The following PDE4D variants were observed in gnomAD, a reference collection of about 807,000 sequenced individuals.
PDE4D encodes the protein 3',5'-cyclic-AMP phosphodiesterase 4D.
Under a neutral mutation model 87.4 loss-of-function variants are expected in PDE4D, and 24 were observed. That is an observed-to-expected ratio of 0.27 (90% CI 0.20 to 0.39). The LOEUF (loss-of-function observed/expected upper bound fraction) is 0.39, where lower values mean the gene tolerates loss of function less well. PDE4D is among the 10% of genes least tolerant of loss of function. The pLI is 1.00. For synonymous variants in PDE4D, 384 were observed against 383.2 expected (o/e 1.00, Z -0.02); for missense variants, 714 against 1,041.0 (o/e 0.69, Z 4.32).
At chr5:59,478,706 C>A (rs1562258583) in intron 1 of PDE4D, among the ~76,000 whole-genome samples, 1 of 151,908 alleles carries the variant, frequency 6.6e-6, no homozygotes, top group African/African-American at 2.4e-5. Flanking sequence ...AAATCTATGA[C>A]AAAATTAAAG....
chr5:59,042,321 T>C (rs1759819189), intron 5 of PDE4D, among the ~76,000 whole-genome samples: 1 of 152,136 alleles, frequency 6.6e-6, no homozygotes, highest in Non-Finnish European at 1.5e-5. Context: ...GTAACTGACC[T>C]TTTCATCCCG....
intron 1 of PDE4D, among the ~76,000 whole-genome samples, chr5:59,569,964 A>G (rs1821551326): frequency 6.6e-6 from 1 of 152,214 alleles, no homozygotes; most frequent in South Asian, 2.1e-4. Flanking sequence ...GAAATTTCCA[A>G]AATAGGTTCC....
chr5:59,240,396 C>T (rs533439220), intron 1 of PDE4D, among the ~76,000 whole-genome samples: 11 of 152,260 alleles, frequency 7.2e-5, no homozygotes, highest in Admixed American at 1.3e-4. Flanking sequence ...AGAAATAACA[C>T]GAAATAGAAT....
chr5:60,392,480 A>G (rs1436552860), intron 1 of PDE4D, among the ~76,000 whole-genome samples: 1 of 152,194 alleles, frequency 6.6e-6, no homozygotes, highest in Non-Finnish European at 1.5e-5. Flanking sequence ...GACTGTAGTT[A>G]ATTGTATATT....
chr5:59,444,285 A>G (rs1798047030), intron 1 of PDE4D, among the ~76,000 whole-genome samples: 1 of 152,230 alleles, frequency 6.6e-6, no homozygotes, highest in Admixed American at 6.5e-5. Context: ...ATATGGAAAA[A>G]TTGGAATATG....
intron 1 of PDE4D, among the ~76,000 whole-genome samples, chr5:59,808,044 C>A (rs1246294836): frequency 6.6e-6 from 1 of 152,164 alleles, no homozygotes; most frequent in Non-Finnish European, 1.5e-5. Flanking sequence ...AATGCTGAGT[C>A]CATGTGTCAA....
In PDE4D at chr5:59,209,130, T is replaced by A. The variant is rs73104896; in HGVS notation, c.647+6647A>T. 7.3e-3 allele frequency among the ~76,000 whole-genome samples: 1,109 copies of A among 152,296 alleles called. 13 individuals carry two copies. The highest frequency in any genetic ancestry group is 0.025 in the African/African-American group (1,059 of 41,556). On this transcript the variant is annotated intron_variant, in intron 2 of 14. Transcript: ENST00000340635. ...CACAGCTTGGAAACTGTTATTTTTT[T>A]AACTCCTAACAAAATTCTCTCAAAT...
chr5:60,344,467 A>G (rs912188537), intron 1 of PDE4D, among the ~76,000 whole-genome samples: 3 of 152,240 alleles, frequency 2.0e-5, no homozygotes, highest in East Asian at 1.9e-4. Context: ...AGTTATATCA[A>G]TGGTCTATTA....
At chr5:60,476,682 C>G (rs553030911) in intron 1 of PDE4D, among the ~76,000 whole-genome samples, 21 of 152,172 alleles carry the variant, frequency 1.4e-4, no homozygotes, top group Non-Finnish European at 2.8e-4. Context: ...AAACGTCATT[C>G]AGACAGCCTT....
chr5:59,509,079 T>C (rs2153667746), intron 1 of PDE4D, among the ~76,000 whole-genome samples: 1 of 152,116 alleles, frequency 6.6e-6, no homozygotes, highest in Non-Finnish European at 1.5e-5. Flanking sequence ...GGAATACCAA[T>C]ACATTTTAAG....
chr5:60,167,355 C>T (rs1362964861), intron 2 of PDE4D, among the ~76,000 whole-genome samples: 2 of 149,898 alleles, frequency 1.3e-5, no homozygotes, highest in Non-Finnish European at 3.0e-5. Context: ...GCAGGCTCCG[C>T]CCCCTGGGGT....
intron 2 of PDE4D, among the ~76,000 whole-genome samples, chr5:60,143,475 C>G (rs1780716133): frequency 6.6e-6 from 1 of 152,150 alleles, no homozygotes; most frequent in African/African-American, 2.4e-5. Context: ...TATTCATCTT[C>G]AAGACATTTG....
intron 2 of PDE4D, among the ~76,000 whole-genome samples, chr5:60,167,238 T>G (rs775516221): frequency 1.3e-5 from 2 of 151,700 alleles, no homozygotes; most frequent in Non-Finnish European, 2.9e-5. Context: ...TTCCTTTCAT[T>G]CTTTCCTCTC....
chr5:59,815,217 T>C (rs1768843152), intron 1 of PDE4D, among the ~76,000 whole-genome samples: 1 of 152,156 alleles, frequency 6.6e-6, no homozygotes, highest in South Asian at 2.1e-4. Flanking sequence ...GAGACCTCGG[T>C]TGGGAAAATC....
At chr5:59,780,270 G>A (rs1764484110) in intron 1 of PDE4D, among the ~76,000 whole-genome samples, 2 of 152,200 alleles carry the variant, frequency 1.3e-5, no homozygotes, top group Non-Finnish European at 2.9e-5. Flanking sequence ...GGAGGCTGAG[G>A]CAGGAGAATT....
chr5:59,172,042 AT>A (rs1380066250), intron 5 of PDE4D, among the ~76,000 whole-genome samples: 12 of 8,066 alleles, frequency 1.5e-3, no homozygotes, highest in African/African-American at 6.7e-3. Context: ...TATATTATAT[AT>A]ATAATATATA....
At chr5:60,369,586 C>T (rs1233713514) in intron 1 of PDE4D, among the ~76,000 whole-genome samples, 1 of 152,106 alleles carries the variant, frequency 6.6e-6, no homozygotes, top group Admixed American at 6.5e-5. Flanking sequence ...GAGCCAGGCC[C>T]AGGGACAAGC....
intron 1 of PDE4D, among the ~76,000 whole-genome samples, chr5:59,363,636 T>G (rs1782578961): frequency 6.6e-6 from 1 of 152,190 alleles, no homozygotes; most frequent in Admixed American, 6.5e-5. Context: ...ATCACCACTT[T>G]ATAGATGAGA....
chr5:59,091,974 C>T (rs960234541), intron 5 of PDE4D, among the ~76,000 whole-genome samples: 2 of 151,992 alleles, frequency 1.3e-5, no homozygotes, highest in African/African-American at 4.8e-5. Flanking sequence ...ACACAAAGTC[C>T]AAATGGTAAA....
Sources: allele counts gnomAD v4.1 joint callset (sites outside exome capture counted in the v4.1 genomes callset), GRCh38; gene constraint gnomAD v4.1.1; transcripts MANE v1.5; gene names NCBI Gene and HGNC (gene_info 2026-07-23, HGNC 2026-07-21).